Variants in DENND1B observed in about 807,000 individuals in gnomAD.
The protein encoded by DENND1B is DENN domain containing 1B, also known as DENN domain-containing protein 1B.
DENND1B carries 59 observed loss-of-function variants against 90.1 expected under a neutral mutation model. That is an observed-to-expected ratio of 0.65 (90% CI 0.53 to 0.81). The LOEUF (loss-of-function observed/expected upper bound fraction) is 0.81. DENND1B is among the 40% of genes least tolerant of loss of function. DENND1B has a pLI of 0.00. For missense variants in DENND1B, 862 were observed against 912.6 expected, an observed-to-expected ratio of 0.94 and a Z score of 0.71; for synonymous variants, 337 against 324.6, an observed-to-expected ratio of 1.04 and a Z score of -0.41.
At chr1:197,742,544 C>T (rs1244778255) in intron 2 of DENND1B, among the ~76,000 whole-genome samples, 2 of 152,000 alleles carry the variant, frequency 1.3e-5, no homozygotes, top group Non-Finnish European at 2.9e-5. Flanking sequence ...CCACTATAAA[C>T]AATGTAAAAT....
intron 20 of DENND1B, among the ~76,000 whole-genome samples, chr1:197,516,425 A>G (rs1045673849): frequency 1.3e-5 from 2 of 151,836 alleles, no homozygotes; most frequent in Non-Finnish European, 2.9e-5. Flanking sequence ...TCACAAAAAA[A>G]GAGAAAAAAT....
chr1:197,602,094 T>C (rs1349604809), intron 13 of DENND1B, among the ~76,000 whole-genome samples: 1 of 151,628 alleles, frequency 6.6e-6, no homozygotes, highest in Non-Finnish European at 1.5e-5. Context: ...GTTATGCTCA[T>C]AGTCAAAAAG....
chr1:197,637,111 GAAACA>G (rs990883776), intron 10 of DENND1B, among the ~76,000 whole-genome samples: 2 of 151,842 alleles, frequency 1.3e-5, no homozygotes, highest in African/African-American at 4.8e-5. Context: ...TTTTATTAAA[GAAACA>G]AAACCAACAC....
At chr1:197,621,936 C>T (rs937175671) in intron 10 of DENND1B, among the ~76,000 whole-genome samples, 1 of 151,332 alleles carries the variant, frequency 6.6e-6, no homozygotes. Context: ...ATATATTGAA[C>T]TAATACAGTT....
chr1:197,551,624 T>G (rs1671248898), intron 16 of DENND1B, among the ~76,000 whole-genome samples: 1 of 152,120 alleles, frequency 6.6e-6, no homozygotes, highest in Non-Finnish European at 1.5e-5. Context: ...AATTTAACTG[T>G]ACAAAAGGAT....
Position 197,693,819 on chromosome 1 carries a change from C to T in DENND1B, c.127-19650G>A, listed in dbSNP as rs979291348. On this transcript the variant is annotated intron_variant, in intron 3 of 22. Transcript: ENST00000620048. ...CACACTGCTGTTTCCTCCTCTTCTCCCCAGGGTAGAATAACCCCCACATCC... is the reference window on the plus strand; with the variant it reads ...CACACTGCTGTTTCCTCCTCTTCTCTCCAGGGTAGAATAACCCCCACATCC... Among the ~76,000 whole-genome samples, 3 of 151,402 alleles carry T rather than the reference C, an allele frequency of 2.0e-5. No homozygotes were observed. The South Asian group carries it at 6.2e-4, about 31-fold the overall frequency.
intron 2 of DENND1B, among the ~76,000 whole-genome samples, chr1:197,716,290 C>T (rs549637439): frequency 3.3e-5 from 5 of 151,082 alleles, no homozygotes; most frequent in Non-Finnish European, 5.9e-5. Flanking sequence ...AGTAAGCTTT[C>T]GACAATTAAA....
In DENND1B at chr1:197,725,501, A is replaced by T. The variant is rs531898801; in HGVS notation, c.83-10427T>A. On this transcript the variant is annotated intron_variant, in intron 2 of 22. Transcript: ENST00000620048. ...TTTCTTATATGCAAACATATATATAAAACAATGTTTACTGAAGCACTGTTT... is the reference window on the plus strand; with the variant it reads ...TTTCTTATATGCAAACATATATATATAACAATGTTTACTGAAGCACTGTTT... 2.0e-4 allele frequency among the ~76,000 whole-genome samples: 31 copies of T among 152,220 alleles called. No homozygotes were observed. The South Asian group carries it at 6.4e-3, about 32-fold the overall frequency.
chr1:197,600,957 G>A (rs924975918), intron 13 of DENND1B, among the ~76,000 whole-genome samples: 8 of 151,226 alleles, frequency 5.3e-5, no homozygotes, highest in African/African-American at 1.9e-4. Flanking sequence ...ATAAGATAAT[G>A]CCTTGCTGCA....
chr1:197,511,059 A>C, intron 22 of DENND1B, 87 bp from the exon 23 acceptor site: 1 of 1,287,014 alleles, frequency 7.8e-7, no homozygotes, highest in Non-Finnish European at 1.0e-6. Context: ...AAATGTTAAT[A>C]GCGTTAAGTT....
At chr1:197,731,052 GAGGA>G (rs1246126499) in intron 2 of DENND1B, among the ~76,000 whole-genome samples, 2 of 152,040 alleles carry the variant, frequency 1.3e-5, no homozygotes, top group Non-Finnish European at 2.9e-5. Context: ...TGAAATCTGG[GAGGA>G]TACTGGCTAC....
intron 13 of DENND1B, among the ~76,000 whole-genome samples, chr1:197,600,182 T>C (rs2125821287): frequency 6.6e-6 from 1 of 151,974 alleles, no homozygotes; most frequent in African/African-American, 2.4e-5. Flanking sequence ...TGCGGACTAG[T>C]AAAAATGGCA....
At chr1:197,683,168 A>G (rs1050558482) in intron 3 of DENND1B, among the ~76,000 whole-genome samples, 8 of 152,202 alleles carry the variant, frequency 5.3e-5, no homozygotes, top group African/African-American at 1.9e-4. Context: ...ACACAGTTGT[A>G]TGCATATGTC....
chr1:197,625,041 T>C (rs545358727), intron 10 of DENND1B, among the ~76,000 whole-genome samples: 65 of 152,118 alleles, frequency 4.3e-4, no homozygotes, highest in Admixed American at 1.1e-3. Context: ...CTACGTCTGA[T>C]TGGTGTACCT....
At chr1:197,778,401 G>A (rs1043565066), upstream of DENND1B, among the ~76,000 whole-genome samples, 5 of 152,138 alleles carry the variant, frequency 3.3e-5, no homozygotes, top group South Asian at 2.1e-4. Context: ...TAGGCTGGGC[G>A]CAGTGGCTCA....
chr1:197,634,753 C>T (rs546172756), intron 10 of DENND1B, among the ~76,000 whole-genome samples: 1 of 152,312 alleles, frequency 6.6e-6, no homozygotes, highest in African/African-American at 2.4e-5. Context: ...CTTTGGGAGG[C>T]CGAGGCAGGA....
chr1:197,625,467 G>T (rs1181748390), intron 10 of DENND1B, among the ~76,000 whole-genome samples: 1 of 152,076 alleles, frequency 6.6e-6, no homozygotes, highest in African/African-American at 2.4e-5. Context: ...CAAATGCTGA[G>T]AGATTTCGCC....
chr1:197,656,711 G>A (rs967948686), intron 6 of DENND1B, among the ~76,000 whole-genome samples: 1 of 151,948 alleles, frequency 6.6e-6, no homozygotes, highest in Non-Finnish European at 1.5e-5. Flanking sequence ...ACTGAGGTGA[G>A]TGGATTGCTT....
intron 13 of DENND1B, among the ~76,000 whole-genome samples, chr1:197,600,863 A>C (rs918491588): frequency 1.6e-4 from 25 of 151,750 alleles, no homozygotes; most frequent in Admixed American, 1.5e-3. Flanking sequence ...CCACGTCATA[A>C]GAAAAATGAA....
Sources: gnomAD v4.1 joint callset for allele counts (sites outside exome capture counted in the v4.1 genomes callset) on GRCh38, gnomAD v4.1.1 for gene constraint, MANE v1.5 for transcripts, NCBI Gene and HGNC (gene_info 2026-07-23, HGNC 2026-07-21) for gene names.